Variants in NBL1 observed in about 807,000 individuals in gnomAD.
The protein encoded by NBL1 is neuroblastoma suppressor of tumorigenicity 1.
NBL1 carries 9 observed loss-of-function variants against 16.0 expected under a neutral mutation model. The observed-to-expected ratio is 0.56, with a 90% CI of 0.34 to 0.98. NBL1 has a LOEUF of 0.98. NBL1 is among the 50% of genes least tolerant of loss of function. The pLI, the probability that NBL1 is intolerant of heterozygous loss-of-function variation, is 0.02. For synonymous variants in NBL1, 86 were observed against 100.7 expected, an observed-to-expected ratio of 0.85 and a Z score of 0.87; for missense variants, 196 against 243.1, an observed-to-expected ratio of 0.81 and a Z score of 1.29.
intron 1 of NBL1, among the ~76,000 whole-genome samples, chr1:19,654,113 C>T (rs941633762): frequency 3.9e-5 from 6 of 152,116 alleles, no homozygotes; most frequent in Admixed American, 1.3e-4. Context: ...CAAGGTGGCC[C>T]AGGAATTCAC....
rs569314855 is a variant in NBL1 at position 19,656,369 on chromosome 1, G to A, written c.283-497G>A. Among the ~76,000 whole-genome samples, 19 of 137,728 alleles carry A rather than the reference G, an allele frequency of 1.4e-4. No individual in the cohort carries two copies. The East Asian group carries it at 4.1e-3, about 30-fold the overall frequency. 90.4% of individuals were successfully genotyped at this position (137,728 alleles called of 152,430 possible). A position where few individuals can be genotyped will look rare whatever the true frequency, so the allele number is the denominator to read the frequency against. On this transcript the variant is annotated intron_variant, in intron 3 of 3. Transcript: ENST00000375136. ...GAAGTCTGAGCTCAGACCCAAAGGC[G>A]CAGTTTAGGGCATGTGGTAGTCGGC... is the stretch of plus-strand genomic sequence containing the variant.
intron 1 of NBL1, among the ~76,000 whole-genome samples, chr1:19,650,065 C>T (rs1322539072): frequency 1.3e-5 from 2 of 152,156 alleles, no homozygotes; most frequent in Non-Finnish European, 2.9e-5. Flanking sequence ...AGCTCCGCCT[C>T]CCGGGTTCAC....
chr1:19,645,655 G>A lies in NBL1; in HGVS notation c.-20+1209G>A, dbSNP rs562841453. On this transcript the variant is annotated intron_variant, in intron 1 of 3. Transcript: ENST00000375136. ...TCCCCCAGATGCTGGGGCTGCTTGG[G>A]CGTGGTTTGCCTTGAGTTGGGGCCA... The A allele has an allele frequency of 5.1e-6, 6 of 1,168,536 alleles. No individual in the cohort carries two copies. In the African/African-American group the frequency reaches 9.5e-5, roughly 18 times the overall value. The allele number at this position is 1,168,536 out of a possible 1,614,324, so 72.4% of individuals were successfully genotyped here.
At chr1:19,648,101 C>T (rs1402119844) in intron 1 of NBL1, among the ~76,000 whole-genome samples, 1 of 151,934 alleles carries the variant, frequency 6.6e-6, no homozygotes, top group African/African-American at 2.4e-5. Context: ...AATATTCAGA[C>T]TTAACCCAGA....
chr1:19,644,114 G>A (rs1395202873), upstream of NBL1: 6 of 975,416 alleles, frequency 6.2e-6, no homozygotes, highest in Admixed American at 1.2e-4. This position sits in a 1 kb window ranked among gnomAD's most constrained non-coding sequence, Gnocchi z 4.6. Flanking sequence ...TCAGCCCGGG[G>A]CGGGCGGGCC....
Position 19,655,441 on chromosome 1 carries a change from T to C in NBL1, c.282+6T>C. On this transcript the variant is annotated splice_donor_region_variant and intron_variant, in intron 3 of 3. Coordinates refer to ENST00000375136, the MANE Select transcript of NBL1 (RefSeq NM_005380.8). ...CCCAGTCCATGTGGGAGATTGTGAG[T>C]ACTGCCTGCCTGCCCCACCCAGTCT... 1 of 1,613,750 alleles carries C rather than the reference T, an allele frequency of 6.2e-7. No individual in the cohort carries two copies. The highest frequency in any genetic ancestry group is 8.5e-7 in the Non-Finnish European group (1 of 1,179,916).
intron 1 of NBL1, among the ~76,000 whole-genome samples, chr1:19,654,435 G>A (rs935264442): frequency 6.6e-6 from 1 of 152,132 alleles, no homozygotes; most frequent in Non-Finnish European, 1.5e-5. Flanking sequence ...TCACAGCAAC[G>A]TGAAGGTTAA....
intron 3 of NBL1, among the ~76,000 whole-genome samples, chr1:19,656,552 T>C (rs1168047787): frequency 6.6e-6 from 1 of 151,626 alleles, no homozygotes; most frequent in African/African-American, 2.4e-5. Flanking sequence ...CTGGGTGGCC[T>C]TAGTGAGGGG....
intron 1 of NBL1, among the ~76,000 whole-genome samples, chr1:19,653,241 G>A (rs1398264564): frequency 2.8e-5 from 4 of 142,536 alleles, no homozygotes; most frequent in African/African-American, 1.1e-4. Context: ...AGCAGAGATC[G>A]TGCCACTGCA....
Position 19,656,930 on chromosome 1 carries a change from T to A in NBL1, c.347T>A (p.Leu116Gln). The change falls in exon 4 of 4, where the codon CTG becomes CAG. Residue 116 changes from leucine to glutamine, a missense_variant. Coordinates refer to ENST00000375136, the MANE Select transcript of NBL1 (RefSeq NM_005380.8). ...GTGGACAAGCTGGTGGAGAAGATCCTGCACTGTAGCTGCCAGGCCTGCGGC... is the reference window on the plus strand; with the variant it reads ...GTGGACAAGCTGGTGGAGAAGATCCAGCACTGTAGCTGCCAGGCCTGCGGC... ...PRVDKLVEKI[L>Q]HCSCQACGKE... 1.2e-6 allele frequency: 2 copies of A among 1,613,390 alleles called. No homozygotes were observed. The highest frequency in any genetic ancestry group is 1.7e-6 in the Non-Finnish European group (2 of 1,179,794).
upstream of NBL1, chr1:19,644,263 A>C: frequency 1.0e-6 from 1 of 977,476 alleles, no homozygotes; most frequent in Non-Finnish European, 1.2e-6. This position sits in a 1 kb window ranked among gnomAD's most constrained non-coding sequence, Gnocchi z 4.6. Flanking sequence ...GGAGGGAGCC[A>C]CCCTGACGTC....
At chr1:19,643,414 G>A (rs755996613), upstream of NBL1, 35 of 1,613,188 alleles carry the variant, frequency 2.2e-5, no homozygotes, top group Non-Finnish European at 3.0e-5. The surrounding 1 kb of genome is among the most constrained non-coding windows in gnomAD (Gnocchi z 4.7). Flanking sequence ...ATGCTGTAAA[G>A]CAAAATCCCC....
In NBL1 at chr1:19,655,165, C is replaced by A. The variant is rs750591766; in HGVS notation, c.135C>A (p.Gly45=). 6 of 1,609,578 alleles carry A rather than the reference C, an allele frequency of 3.7e-6. No homozygotes were observed. Among genetic ancestry groups the A allele is most frequent in the Non-Finnish European group, 5.1e-6 (6 of 1,178,180 alleles). ...CCAAGAACATCACCCAGATCGTGGG[C>A]CACAGCGGCTGTGAGGCCAAGTCCA... ...CEAKNITQIV[G]HSGCEAKSIQ... is the part of the protein sequence containing the mutation. Residue 45 remains glycine, a synonymous_variant, in exon 2 of 4, where the codon GGC becomes GGA. Coordinates refer to ENST00000375136, the MANE Select transcript of NBL1 (RefSeq NM_005380.8).
chr1:19,656,883 G>C lies in NBL1; in HGVS notation c.300G>C (p.Pro100=). 3 of 1,611,788 alleles carry C rather than the reference G, an allele frequency of 1.9e-6. No homozygotes were observed. In the South Asian group the frequency reaches 3.3e-5, roughly 18 times the overall value. ...CTCTGCAGGTGACGCTGGAGTGCCC[G>C]GGCCACGAGGAGGTGCCCAGGGTGG... The part of the protein sequence containing the change: ...SMWEIVTLEC[P]GHEEVPRVDK... Residue 100 remains proline (P), a synonymous_variant, in exon 4 of 4, where the codon CCG becomes CCC. Transcript: ENST00000375136.
chr1:19,649,639 T>G, intron 1 of NBL1, among the ~76,000 whole-genome samples: 1 of 152,170 alleles, frequency 6.6e-6, no homozygotes, highest in East Asian at 1.9e-4. Flanking sequence ...ATTACAGGCG[T>G]GAGCCACTGC....
At chr1:19,656,534 T>C (rs1184856431) in intron 3 of NBL1, among the ~76,000 whole-genome samples, 1 of 150,192 alleles carries the variant, frequency 6.7e-6, no homozygotes, top group Non-Finnish European at 1.5e-5. Context: ...TGGTGGCACC[T>C]GAAGGTCCTG....
intron 3 of NBL1, among the ~76,000 whole-genome samples, chr1:19,656,284 G>T (rs1347364846): frequency 6.6e-6 from 1 of 151,868 alleles, no homozygotes; most frequent in Non-Finnish European, 1.5e-5. Context: ...GGTAGATGGG[G>T]TTCCTGCAGG....
upstream of NBL1, chr1:19,644,304 C>T (rs1409047239): frequency 1.8e-5 from 18 of 979,650 alleles, no homozygotes; most frequent in Admixed American, 6.4e-5. The surrounding 1 kb of genome is among the most constrained non-coding windows in gnomAD (Gnocchi z 4.6). Flanking sequence ...CGCGCCCGCC[C>T]GGGGCCGCAG....
chr1:19,647,578 G>C, intron 1 of NBL1: 1 of 984,992 alleles, frequency 1.0e-6, no homozygotes, highest in African/African-American at 1.7e-5. Context: ...AGGCAGGGGA[G>C]GGGGAGCATC....
Sources: gnomAD v4.1 joint callset for allele counts (sites outside exome capture counted in the v4.1 genomes callset) on GRCh38, gnomAD v4.1.1 for gene constraint, Gnocchi (gnomAD v3.1) non-coding constraint, MANE v1.5 for transcripts, NCBI Gene and HGNC (gene_info 2026-07-23, HGNC 2026-07-21) for gene names.